MAP3K4: variants seen among roughly 807,000 people sequenced by gnomAD.
MAP3K4 encodes the protein MAP three kinase 1.
Under a neutral mutation model 185.6 loss-of-function variants are expected in MAP3K4, and 67 were observed. The observed-to-expected ratio is 0.36, with a 90% CI of 0.30 to 0.44. The LOEUF (loss-of-function observed/expected upper bound fraction) is 0.44. Ranked by LOEUF, MAP3K4 falls within the 20% of genes least tolerant of loss-of-function variation. MAP3K4 has a pLI of 1.00. For missense variants in MAP3K4, 1,551 were observed against 1,995.1 expected (o/e 0.78, Z 4.24); for synonymous variants, 702 against 710.4 (o/e 0.99, Z 0.19).
rs938922633 is a variant in MAP3K4 at position 161,067,808 on chromosome 6, T to G, written c.1708-2800T>G. On this transcript the variant is annotated intron_variant, in intron 3 of 26. Transcript: ENST00000392142. The surrounding 1 kb of genome is among the most constrained non-coding windows in gnomAD (Gnocchi z 6.3). ...TAAGAAGAAGGCATATCCTCGTTTC[T>G]GTCATTAAGTGTATCTCAGTTATGC... Among the ~76,000 whole-genome samples the G allele has an allele frequency of 2.0e-4, 30 of 152,268 alleles. No individual in the cohort carries two copies. The highest frequency in any genetic ancestry group is 4.4e-4 in the Non-Finnish European group (30 of 68,048).
Position 161,111,821 on chromosome 6 carries a change from T to C in MAP3K4, c.4397-15T>C. On this transcript the variant is annotated splice_polypyrimidine_tract_variant and intron_variant, in intron 23 of 26. Coordinates refer to ENST00000392142, the MANE Select transcript of MAP3K4 (RefSeq NM_005922.4). Reference sequence around the variant, plus strand: ...GTTTCAGAGGCTGCGTAACAACTACTTCTTTTCTTTTTAGGTGCCAATATC... The same window carrying C: ...GTTTCAGAGGCTGCGTAACAACTACCTCTTTTCTTTTTAGGTGCCAATATC... 1 of 1,496,956 alleles carries C rather than the reference T, an allele frequency of 6.7e-7. No individual in the cohort carries two copies. Among genetic ancestry groups the C allele is most frequent in the Non-Finnish European group, 8.9e-7 (1 of 1,127,732 alleles). The allele number at this position is 1,496,956 out of a possible 1,614,324, so 92.7% of individuals were successfully genotyped here. A position where few individuals can be genotyped will look rare whatever the true frequency, so the allele number is the denominator to read the frequency against.
intron 1 of MAP3K4, among the ~76,000 whole-genome samples, chr6:161,026,287 C>T (rs1164548072): frequency 5.7e-5 from 7 of 123,788 alleles, no homozygotes; most frequent in South Asian, 6.1e-4. Flanking sequence ...CCCGCCACCA[C>T]GCGCAGCTAA....
chr6:161,108,707 C>A lies in MAP3K4; in HGVS notation c.4120-36C>A, dbSNP rs115844476. ...TGTGTATAATGTAGAGTGATTAAAT[C>A]AAGCCAGTTAACATTTTTGTCACCT... is the stretch of plus-strand genomic sequence containing the variant. On this transcript the variant is annotated intron_variant, in intron 21 of 26. Coordinates refer to ENST00000392142, the MANE Select transcript of MAP3K4 (RefSeq NM_005922.4). This position sits in a 1 kb window ranked among gnomAD's most constrained non-coding sequence, Gnocchi z 5.7. 8.9e-5 allele frequency: 107 copies of A among 1,199,146 alleles called. No individual in the cohort carries two copies. The African/African-American group carries it at 1.4e-3, about 16-fold the overall frequency. 74.3% of individuals were successfully genotyped at this position (1,199,146 alleles called of 1,614,324 possible). A position where few individuals can be genotyped will look rare whatever the true frequency, so the allele number is the denominator to read the frequency against.
chr6:161,060,092 G>C (rs1395111678), intron 3 of MAP3K4, among the ~76,000 whole-genome samples: 1 of 152,188 alleles, frequency 6.6e-6, no homozygotes, highest in Non-Finnish European at 1.5e-5. Flanking sequence ...ATTAGTAGTA[G>C]TTGATGAACA....
At position 161,077,348 on chromosome 6, in the gene MAP3K4, T is replaced by C. The variant is rs1188259545; in HGVS notation, c.2098-3533T>C. Reference sequence around the variant, plus strand: ...TCAACAAGAACATATCTAAAGCAAATATGACAAAATACTAACATTTGTTTA... The same window carrying C: ...TCAACAAGAACATATCTAAAGCAAACATGACAAAATACTAACATTTGTTTA... On this transcript the variant is annotated intron_variant, in intron 5 of 26. Coordinates refer to ENST00000392142, the MANE Select transcript of MAP3K4 (RefSeq NM_005922.4). This position sits in a 1 kb window ranked among gnomAD's most constrained non-coding sequence, Gnocchi z 4.3. 6.6e-6 allele frequency among the ~76,000 whole-genome samples: 1 copy of C among 152,166 alleles called. No homozygotes were observed. Among genetic ancestry groups the C allele is most frequent in the East Asian group, 1.9e-4 (1 of 5,202 alleles).
rs1780995753 is a variant in MAP3K4 at position 160,996,397 on chromosome 6, T to C, written c.152+4314T>C. On this transcript the variant is annotated intron_variant, in intron 1 of 26. Coordinates refer to ENST00000392142, the MANE Select transcript of MAP3K4 (RefSeq NM_005922.4). This position sits in a 1 kb window ranked among gnomAD's most constrained non-coding sequence, Gnocchi z 4.5. Reference sequence around the variant, plus strand: ...CTTCATGTATGCTCTCATGGTGTCCTGCAAATCTTGTTCTGAGCTCTGCTG... The same window carrying C: ...CTTCATGTATGCTCTCATGGTGTCCCGCAAATCTTGTTCTGAGCTCTGCTG... Among the ~76,000 whole-genome samples, 1 of 152,204 alleles carries C rather than the reference T, an allele frequency of 6.6e-6. No homozygotes were observed. Among genetic ancestry groups the C allele is most frequent in the Admixed American group, 6.5e-5 (1 of 15,288 alleles).
At chr6:160,995,462 C>T (rs1164347507) in intron 1 of MAP3K4, among the ~76,000 whole-genome samples, 6 of 152,238 alleles carry the variant, frequency 3.9e-5, no homozygotes, top group Non-Finnish European at 5.9e-5. Flanking sequence ...AGTGTGCCAT[C>T]GTGGCAGGTG....
rs769136422 is a variant in MAP3K4, at chr6:161,097,208, CAG to C, written c.3524+35_3524+36del. The C allele has an allele frequency of 1.3e-6, 2 of 1,580,680 alleles. No individual in the cohort carries two copies. The highest frequency in any genetic ancestry group is 1.1e-5 in the South Asian group (1 of 90,208). On this transcript the variant is annotated intron_variant, in intron 16 of 26. Transcript: ENST00000392142. The surrounding 1 kb of genome is among the most constrained non-coding windows in gnomAD (Gnocchi z 4.9). ...GGTGCTTATCTAGTCATTTGCTTTA[CAG>C]AGTGCCCTCCGATATGCATGCTCAT... is the stretch of plus-strand genomic sequence containing the variant.
chr6:161,080,962 GA>G lies in MAP3K4; in HGVS notation c.2181del (p.Glu728LysfsTer9), dbSNP rs1394985366. 1 of 1,614,126 alleles carries G rather than the reference GA, an allele frequency of 6.2e-7. No individual in the cohort carries two copies. On this transcript the variant is annotated frameshift_variant, in exon 6 of 27. Transcript: ENST00000392142. LOFTEE classifies it high-confidence loss of function. The surrounding 1 kb of genome is among the most constrained non-coding windows in gnomAD (Gnocchi z 4.8). ...ATCGCATAGTTTAAAAAATCTGTTA[GA>G]AGAAGAATGGAATTTCACCAAAGAA... ...QASHSLKNLL[E>X]EEWNFTKEIT...
chr6:161,095,778 G>A (rs1777539961), intron 15 of MAP3K4, among the ~76,000 whole-genome samples: 1 of 152,162 alleles, frequency 6.6e-6, no homozygotes, highest in Admixed American at 6.5e-5. Flanking sequence ...TTTACCAGTA[G>A]TGAAATTTGA....
intron 19 of MAP3K4, among the ~76,000 whole-genome samples, chr6:161,104,957 C>T: frequency 6.6e-6 from 1 of 152,164 alleles, no homozygotes; most frequent in Non-Finnish European, 1.5e-5. Flanking sequence ...ACCTTAGAGT[C>T]ATCCCAGCCT....
rs1467656342 is a variant in MAP3K4 at position 161,097,098 on chromosome 6, C to G, written c.3446C>G (p.Pro1149Arg). ...GLYLAIHRNS[P>R]RPMKVPRCHS... is the part of the protein sequence containing the mutation. The stretch of plus-strand genomic sequence containing the variant: ...CTGGCAGCCATTCATCGGAACAGCC[C>G]CCGTCCTATGAAGGTACCTCGATGC... The change falls in exon 16 of 27, where the codon CCC becomes CGC. Residue 1149 changes from proline to arginine, a missense_variant. Transcript: ENST00000392142. The surrounding 1 kb of genome is among the most constrained non-coding windows in gnomAD (Gnocchi z 4.9). 1 of 1,614,096 alleles carries G rather than the reference C, an allele frequency of 6.2e-7. No homozygotes were observed. Among genetic ancestry groups the G allele is most frequent in the Non-Finnish European group, 8.5e-7 (1 of 1,180,004 alleles).
intron 3 of MAP3K4, among the ~76,000 whole-genome samples, chr6:161,065,080 T>A (rs1784647807): frequency 6.6e-6 from 1 of 152,152 alleles, no homozygotes; most frequent in African/African-American, 2.4e-5. Context: ...CCAGTCTGTG[T>A]GTAGCTGTCC....
chr6:161,015,311 G>A (rs980304284), intron 1 of MAP3K4, among the ~76,000 whole-genome samples: 2 of 151,776 alleles, frequency 1.3e-5, no homozygotes, highest in African/African-American at 4.8e-5. Flanking sequence ...CCTGTTGATG[G>A]TGGGGGGAGG....
intron 2 of MAP3K4, among the ~76,000 whole-genome samples, chr6:161,042,645 A>G (rs1783525602): frequency 6.6e-6 from 1 of 152,196 alleles, no homozygotes; most frequent in Non-Finnish European, 1.5e-5. Flanking sequence ...GGTTTAAGAG[A>G]CAGTCAAACC....
At chr6:161,039,306 A>T (rs1319553660) in intron 2 of MAP3K4, among the ~76,000 whole-genome samples, 1 of 150,568 alleles carries the variant, frequency 6.6e-6, no homozygotes, top group Non-Finnish European at 1.5e-5. Flanking sequence ...AAAAACATCA[A>T]GTACATCCCT....
chr6:161,066,447 G>A (rs1201136684), intron 3 of MAP3K4, among the ~76,000 whole-genome samples: 1 of 150,208 alleles, frequency 6.7e-6, no homozygotes, highest in Non-Finnish European at 1.5e-5. Context: ...AATAATTTCT[G>A]CAGTTAATTC....
chr6:161,014,331 A>C lies in MAP3K4; in HGVS notation c.153-19928A>C, dbSNP rs372416193. ...TGGGAATGGTATTTGAATGAGAGTT[A>C]ATGTAGAACCTGTCATAAAATCCTT... On this transcript the variant is annotated intron_variant, in intron 1 of 26. Transcript: ENST00000392142. Among the ~76,000 whole-genome samples the C allele has an allele frequency of 3.1e-4, 47 of 152,348 alleles. 2 individuals are homozygous for C. The South Asian group carries it at 9.5e-3, about 31-fold the overall frequency.
rs1785119242 is a variant in MAP3K4, at chr6:161,075,271, C to G, written c.2097+1659C>G. ...CTGGGCTCAAACGATCCTCCTGCCT[C>G]AGCCTCCCTAATAACTGGGACCACA... is the stretch of plus-strand genomic sequence containing the variant. On this transcript the variant is annotated intron_variant, in intron 5 of 26. Transcript: ENST00000392142. This position sits in a 1 kb window ranked among gnomAD's most constrained non-coding sequence, Gnocchi z 4.3. Among the ~76,000 whole-genome samples the G allele has an allele frequency of 1.3e-5, 2 of 152,170 alleles. No individual in the cohort carries two copies. The highest frequency in any genetic ancestry group is 4.1e-4 in the South Asian group (2 of 4,824).
Sources: gnomAD v4.1 joint callset for allele counts (sites outside exome capture counted in the v4.1 genomes callset) on GRCh38, gnomAD v4.1.1 for gene constraint, Gnocchi (gnomAD v3.1) non-coding constraint, MANE v1.5 for transcripts, NCBI Gene and HGNC (gene_info 2026-07-23, HGNC 2026-07-21) for gene names.